The following CTNNA2 variants were observed in gnomAD, a reference collection of about 807,000 sequenced individuals.
The protein encoded by CTNNA2 is catenin alpha 2, also known as catenin alpha-2.
A neutral mutation model predicts 101.0 loss-of-function variants in CTNNA2; 42 were observed. The ratio of observed to expected loss-of-function variants is 0.42; its 90% CI spans 0.32 to 0.54. CTNNA2 has a LOEUF of 0.54. CTNNA2 is among the 20% of genes least tolerant of loss of function. The pLI, the probability that CTNNA2 is intolerant of heterozygous loss-of-function variation, is 0.14. For synonymous variants in CTNNA2, 450 were observed against 456.4 expected, an observed-to-expected ratio of 0.99 and a Z score of 0.18; for missense variants, 871 against 1,223.1, an observed-to-expected ratio of 0.71 and a Z score of 4.29.
At chr2:80,170,111 C>A (rs1704949713) in intron 7 of CTNNA2, among the ~76,000 whole-genome samples, 1 of 152,184 alleles carries the variant, frequency 6.6e-6, no homozygotes, top group South Asian at 2.1e-4. Context: ...CTCTTATTTA[C>A]ATTTTCTGGA....
intron 18 of CTNNA2, among the ~76,000 whole-genome samples, chr2:80,624,287 C>T (rs984617401): frequency 6.6e-6 from 1 of 151,892 alleles, no homozygotes; most frequent in Non-Finnish European, 1.5e-5. Context: ...CTGGAAGAAC[C>T]GAACTTTCAT....
chr2:79,186,690 T>A (rs1207684836), intron 1 of CTNNA2, among the ~76,000 whole-genome samples: 1 of 152,176 alleles, frequency 6.6e-6, no homozygotes, highest in African/African-American at 2.4e-5. Context: ...TTCAGGGAGT[T>A]TCTTTTTAAG....
At chr2:80,467,863 A>G (rs1300249427) in intron 9 of CTNNA2, among the ~76,000 whole-genome samples, 1 of 152,168 alleles carries the variant, frequency 6.6e-6, no homozygotes, top group African/African-American at 2.4e-5. Flanking sequence ...CCAGACACTG[A>G]ATCTGCTGGC....
intron 1 of CTNNA2, among the ~76,000 whole-genome samples, chr2:79,593,850 C>T (rs1677017876): frequency 6.6e-6 from 1 of 150,380 alleles, no homozygotes; most frequent in Admixed American, 6.6e-5. Context: ...TCTTCAGTTG[C>T]ATCTGAGCCC....
chr2:79,988,819 G>A (rs548288075), intron 7 of CTNNA2, among the ~76,000 whole-genome samples: 2 of 152,244 alleles, frequency 1.3e-5, no homozygotes, highest in South Asian at 2.1e-4. Flanking sequence ...GGTTTCTTTC[G>A]ATCAAATGTT....
intron 6 of CTNNA2, among the ~76,000 whole-genome samples, chr2:79,904,186 T>C (rs1399028471): frequency 6.6e-6 from 1 of 152,182 alleles, no homozygotes; most frequent in African/African-American, 2.4e-5. Flanking sequence ...ACTGTGCAAA[T>C]TGCCATCATT....
intron 6 of CTNNA2, among the ~76,000 whole-genome samples, chr2:79,905,950 C>T (rs1357099523): frequency 1.3e-5 from 2 of 152,076 alleles, no homozygotes; most frequent in African/African-American, 4.8e-5. Context: ...ACTATAGATA[C>T]AGCCTTTTCC....
At chr2:80,196,440 A>G (rs1323859572) in intron 7 of CTNNA2, among the ~76,000 whole-genome samples, 1 of 152,140 alleles carries the variant, frequency 6.6e-6, no homozygotes, top group Non-Finnish European at 1.5e-5. Flanking sequence ...ATCTGTAGTC[A>G]CAGAAACTTG....
intron 7 of CTNNA2, chr2:80,304,610 T>TGCGGGCG (rs879693637): frequency 0.011 from 1,568 of 148,648 alleles, 10 homozygotes; most frequent in Non-Finnish European, 0.017. Flanking sequence ...ACTCATGCTT[T>TGCGGGCG]GCGGGCGGCG....
intron 2 of CTNNA2, among the ~76,000 whole-genome samples, chr2:79,255,683 G>A (rs555318255): frequency 1.3e-5 from 2 of 152,284 alleles, no homozygotes; most frequent in African/African-American, 2.4e-5. Context: ...AGCTGGAATA[G>A]CTTGGTGCAT....
At chr2:80,507,456 G>C (rs978650886) in intron 9 of CTNNA2, among the ~76,000 whole-genome samples, 11 of 152,016 alleles carry the variant, frequency 7.2e-5, no homozygotes, top group African/African-American at 1.2e-4. Context: ...AATTAACCTC[G>C]ATGTTTCAAG....
intron 2 of CTNNA2, among the ~76,000 whole-genome samples, chr2:79,305,524 T>G (rs983681239): frequency 1.3e-5 from 2 of 149,934 alleles, no homozygotes; most frequent in African/African-American, 4.9e-5. Context: ...TCTACACTCT[T>G]TTTGCTTTCT....
At chr2:79,450,738 T>C (rs1048559228) in intron 4 of CTNNA2, among the ~76,000 whole-genome samples, 1 of 152,114 alleles carries the variant, frequency 6.6e-6, no homozygotes, top group Non-Finnish European at 1.5e-5. Flanking sequence ...TCCTATGGCA[T>C]ATTTCTGGTC....
intron 3 of CTNNA2, among the ~76,000 whole-genome samples, chr2:79,810,152 C>T (rs1435683074): frequency 3.3e-5 from 5 of 151,952 alleles, no homozygotes; most frequent in South Asian, 2.1e-4. Context: ...TGTGTTAGTC[C>T]GTTTTCATGC....
At position 80,455,566 on chromosome 2, in the gene CTNNA2, C is replaced by T. The variant is rs543487355; in HGVS notation, c.1290+35965C>T. 3.0e-4 allele frequency among the ~76,000 whole-genome samples: 46 copies of T among 152,290 alleles called. No individual in the cohort carries two copies. In the South Asian group the frequency reaches 9.5e-3, roughly 32 times the overall value. ...AAATTTGTGTTTCATGCCTTCATCA[C>T]CTTATCTTTTGTACCTTCATTCCTC... is the stretch of plus-strand genomic sequence containing the variant. On this transcript the variant is annotated intron_variant, in intron 9 of 18. Coordinates refer to ENST00000402739, the MANE Select transcript of CTNNA2 (RefSeq NM_001282597.3).
At chr2:79,442,785 T>C (rs1008084648) in intron 4 of CTNNA2, among the ~76,000 whole-genome samples, 1 of 152,148 alleles carries the variant, frequency 6.6e-6, no homozygotes, top group Non-Finnish European at 1.5e-5. Flanking sequence ...TTGATTACTT[T>C]GTCTGTTTGT....
At chr2:79,696,121 A>T (rs1684638248) in intron 2 of CTNNA2, among the ~76,000 whole-genome samples, 1 of 151,964 alleles carries the variant, frequency 6.6e-6, no homozygotes, top group South Asian at 2.1e-4. Context: ...GGCATTCATC[A>T]ACAAACAATA....
At chr2:80,505,467 G>A (rs78254902) in intron 9 of CTNNA2, among the ~76,000 whole-genome samples, 4,848 of 152,210 alleles carry the variant, frequency 0.032, 254 homozygotes, top group African/African-American at 0.11. Context: ...GCCTCTTAAC[G>A]TATGTGTGCC....
intron 2 of CTNNA2, among the ~76,000 whole-genome samples, chr2:79,275,147 A>C (rs1675179599): frequency 6.6e-6 from 1 of 152,070 alleles, no homozygotes; most frequent in African/African-American, 2.4e-5. Context: ...AGTTCACTGA[A>C]AGCATAAGCA....
Sources: allele counts gnomAD v4.1 joint callset (sites outside exome capture counted in the v4.1 genomes callset), GRCh38; gene constraint gnomAD v4.1.1; transcripts MANE v1.5; gene names NCBI Gene and HGNC (gene_info 2026-07-23, HGNC 2026-07-21).